Variants in ZNF823 observed in about 807,000 individuals in gnomAD.
ZNF823 encodes the protein zinc finger protein 823, also known as ZFP 36 for a zinc finger protein.
In ZNF823, 5 loss-of-function variants were observed where a neutral mutation model predicts 11.4. The ratio of observed to expected loss-of-function variants is 0.44; its 90% CI spans 0.23 to 0.92. The LOEUF (loss-of-function observed/expected upper bound fraction) is 0.92. Among genes scored for constraint, ZNF823 ranks in the 40% least tolerant of loss-of-function variants. ZNF823 has a pLI of 0.24. For synonymous variants in ZNF823, 234 were observed against 250.5 expected (o/e 0.93, Z 0.62); for missense variants, 582 against 738.5 (o/e 0.79, Z 2.46).
chr19:11,723,277 C>T lies in ZNF823; in HGVS notation c.257G>A (p.Ser86Asn), dbSNP rs1974729347. The T allele has an allele frequency of 4.3e-6, 7 of 1,613,856 alleles. No individual in the cohort carries two copies. The South Asian group carries it at 7.7e-5, about 18-fold the overall frequency. Residue 86 changes from serine to asparagine, a missense_variant, in exon 4 of 4, where the codon AGT becomes AAT. Ser to Asn is a conservative substitution (Grantham distance 46). Transcript: ENST00000341191. ...TCGAGGAGTGTTCTTGTTCACAATA[C>T]TATCTGGAATCTGGCCAAAAGTTTC... ...CGETFGQIPD[S>N]IVNKNTPRVN... is the part of the protein sequence containing the mutation.
chr19:11,725,614 C>T (rs1974776103), intron 1 of ZNF823, among the ~76,000 whole-genome samples: 1 of 152,168 alleles, frequency 6.6e-6, no homozygotes, highest in Non-Finnish European at 1.5e-5. Context: ...ATTTCTACAG[C>T]GGTCTGTGTA....
intron 1 of ZNF823, among the ~76,000 whole-genome samples, chr19:11,727,618 A>G (rs1167398519): frequency 1.3e-5 from 2 of 152,232 alleles, no homozygotes; most frequent in African/African-American, 4.8e-5. Flanking sequence ...GGATTTTTAA[A>G]CTATAATATT....
At chr19:11,736,076 T>G (rs1974987924) in intron 1 of ZNF823, among the ~76,000 whole-genome samples, 2 of 152,178 alleles carry the variant, frequency 1.3e-5, no homozygotes, top group Non-Finnish European at 2.9e-5. Flanking sequence ...GAACTAACAT[T>G]TTGGTAAATC....
rs1555766614 is a variant in ZNF823 at position 11,726,289 on chromosome 19, T to TATAC, written c.4-963_4-962insGTAT. Among the ~76,000 whole-genome samples the TATAC allele has an allele frequency of 4.2e-4, 47 of 112,738 alleles. 3 individuals are homozygous for TATAC. Among genetic ancestry groups the TATAC allele is most frequent in the South Asian group, 2.5e-3 (9 of 3,622 alleles). 74.0% of individuals were successfully genotyped at this position (112,738 alleles called of 152,430 possible). A position where few individuals can be genotyped will look rare whatever the true frequency, so the allele number is the denominator to read the frequency against. On this transcript the variant is annotated intron_variant, in intron 1 of 3. Transcript: ENST00000341191. Reference sequence around the variant, plus strand: ...TAAAAAACAAAAAATAAAAAATACATATATATATATATATATATAAATTTT... The same window carrying TATAC: ...TAAAAAACAAAAAATAAAAAATACATATACATATATATATATATATATAAATTTT...
chr19:11,728,128 C>T (rs566797052), intron 1 of ZNF823, among the ~76,000 whole-genome samples: 9 of 152,266 alleles, frequency 5.9e-5, no homozygotes, highest in African/African-American at 1.7e-4. Flanking sequence ...CCGCCCGCCT[C>T]GGCCTCCCAA....
Position 11,723,200 on chromosome 19 carries a change from A to G in ZNF823, c.334T>C (p.Ser112Pro). Residue 112 changes from serine (S) to proline (P), a missense_variant, in exon 4 of 4, where the codon TCT (serine) becomes CCT (proline). Physicochemically the swap from Ser to Pro is moderately conservative, Grantham distance 74. Around this residue, in one of 3 missense-constraint regions of ZNF823, gnomAD observed 429 missense variants for 553.7 expected, o/e 0.77. Transcript: ENST00000341191. ...TCAACTCTGATGTTGCAATTAAGAG[A>G]CGAATGACCCAAGACGACTTCTCCA... ...ECGEVVLGHS[S>P]LNCNIRVDTG... is the part of the protein sequence containing the mutation. 1 of 1,614,166 alleles carries G rather than the reference A, an allele frequency of 6.2e-7. No homozygotes were observed. Among genetic ancestry groups the G allele is most frequent in the Non-Finnish European group, 8.5e-7 (1 of 1,180,038 alleles).
chr19:11,724,363 G>T (rs1974751258), intron 2 of ZNF823, 109 bp from the exon 3 acceptor site: 2 of 947,030 alleles, frequency 2.1e-6, no homozygotes, highest in Non-Finnish European at 1.5e-6. Context: ...CAAAGTACAT[G>T]TGACTCTTCA....
Position 11,722,338 on chromosome 19 carries a change from C to T in ZNF823, c.1196G>A (p.Cys399Tyr), listed in dbSNP as rs749248618. 6.2e-7 allele frequency: 1 copy of T among 1,613,944 alleles called. No individual in the cohort carries two copies. ...TTCATGTCTTTGAAATAAACTGGGA[C>T]AACCAAAGGCTTTCCCACATATCTT... ...KCKICGKAFG[C>Y]PSLFQRHERT... The change falls in exon 4 of 4, where the codon TGT becomes TAT. Residue 399 changes from cysteine to tyrosine, a missense_variant. Physicochemically the swap from Cys to Tyr is radical, Grantham distance 194. Transcript: ENST00000341191. The surrounding 1 kb of genome is among the most constrained non-coding windows in gnomAD (Gnocchi z 5.2).
intron 1 of ZNF823, among the ~76,000 whole-genome samples, chr19:11,733,797 G>T (rs1307426376): frequency 2.0e-5 from 3 of 152,134 alleles, no homozygotes; most frequent in African/African-American, 4.8e-5. Flanking sequence ...GAACCAAAAG[G>T]TGTCTTTCTC....
chr19:11,729,417 A>T (rs561217359), intron 1 of ZNF823, among the ~76,000 whole-genome samples: 1 of 152,344 alleles, frequency 6.6e-6, no homozygotes, highest in African/African-American at 2.4e-5. Flanking sequence ...ACAAGAAGAC[A>T]TAATAATCAT....
intron 1 of ZNF823, among the ~76,000 whole-genome samples, chr19:11,737,935 A>T (rs149071906): frequency 2.6e-5 from 4 of 152,312 alleles, no homozygotes; most frequent in African/African-American, 9.6e-5. Flanking sequence ...GGACTGGGGA[A>T]CCCACAGATC....
intron 1 of ZNF823, among the ~76,000 whole-genome samples, chr19:11,730,112 G>C (rs1974866332): frequency 6.6e-6 from 1 of 151,948 alleles, no homozygotes; most frequent in African/African-American, 2.4e-5. Context: ...ATTTTTAGTA[G>C]AGACAGGGTT....
intron 1 of ZNF823, among the ~76,000 whole-genome samples, chr19:11,725,801 G>A (rs377039287): frequency 3.3e-5 from 5 of 152,174 alleles, no homozygotes; most frequent in African/African-American, 1.2e-4. Flanking sequence ...AACTGTTTAT[G>A]CAAAATATAG....
In ZNF823 at chr19:11,732,331, A is replaced by T. The variant is rs374868954; in HGVS notation, c.3+6486T>A. Among the ~76,000 whole-genome samples the T allele has an allele frequency of 1.4e-3, 213 of 151,846 alleles. 1 individual carries two copies. Among genetic ancestry groups the T allele is most frequent in the African/African-American group, 4.8e-3 (199 of 41,420 alleles). ...AGGCAACTGCCACCACGCCCAGCTA[A>T]TTTTTTTGTATTTTTAGTAGAAACG... is the stretch of plus-strand genomic sequence containing the variant. On this transcript the variant is annotated intron_variant, in intron 1 of 3. Coordinates refer to ENST00000341191, the MANE Select transcript of ZNF823 (RefSeq NM_001080493.4).
Position 11,721,939 on chromosome 19 carries a change from C to T in ZNF823, c.1595G>A (p.Cys532Tyr), listed in dbSNP as rs754317698. 31 of 1,614,008 alleles carry T rather than the reference C, an allele frequency of 1.9e-5. No homozygotes were observed. Among genetic ancestry groups the T allele is most frequent in the Non-Finnish European group, 1.9e-5 (22 of 1,180,014 alleles). Residue 532 changes from cysteine (C) to tyrosine (Y), a missense_variant, in exon 4 of 4, where the codon TGT (cysteine) becomes TAT (tyrosine). Cys to Tyr is a radical substitution (Grantham distance 194). Transcript: ENST00000341191. ...AGTGAGCCAAGAGAATGCTTTTCCACATTCCTTACATTCATATGGCTTCTC... is the reference window on the plus strand; with the variant it reads ...AGTGAGCCAAGAGAATGCTTTTCCATATTCCTTACATTCATATGGCTTCTC... ...SGEKPYECKECGKAFSWLTCL... is the reference protein window; with the variant it reads ...SGEKPYECKEYGKAFSWLTCL...
intron 1 of ZNF823, among the ~76,000 whole-genome samples, chr19:11,727,918 C>T (rs1974821472): frequency 1.3e-5 from 2 of 150,400 alleles, no homozygotes; most frequent in Admixed American, 6.6e-5. Flanking sequence ...ACGGGAGTCT[C>T]GCTCTGTAGC....
intron 1 of ZNF823, among the ~76,000 whole-genome samples, chr19:11,733,645 G>A (rs1046687575): frequency 1.3e-5 from 2 of 152,144 alleles, no homozygotes; most frequent in African/African-American, 2.4e-5. Context: ...GTTGCAGTGA[G>A]CCGAGATCAT....
chr19:11,733,155 T>C (rs1168123972), intron 1 of ZNF823, among the ~76,000 whole-genome samples: 11 of 150,846 alleles, frequency 7.3e-5, no homozygotes, highest in Non-Finnish European at 1.2e-4. Flanking sequence ...GATCATGAGG[T>C]CAAGAGATCA....
At chr19:11,735,569 A>G (rs1342368146) in intron 1 of ZNF823, among the ~76,000 whole-genome samples, 1 of 152,154 alleles carries the variant, frequency 6.6e-6, no homozygotes, top group Non-Finnish European at 1.5e-5. Flanking sequence ...TGGAATGAAC[A>G]GGTTGGGACA....
Sources: gnomAD v4.1 joint callset for allele counts (sites outside exome capture counted in the v4.1 genomes callset) on GRCh38, gnomAD v4.1.1 for gene constraint, gnomAD v4.1.1 regional missense constraint, Gnocchi (gnomAD v3.1) non-coding constraint, MANE v1.5 for transcripts, NCBI Gene and HGNC (gene_info 2026-07-23, HGNC 2026-07-21) for gene names.